Variants in ZFPM2 observed in about 807,000 individuals in gnomAD.
ZFPM2 encodes zinc finger protein ZFPM2.
Under a neutral mutation model 98.6 loss-of-function variants are expected in ZFPM2, and 20 were observed. The ratio of observed to expected loss-of-function variants is 0.20; its 90% CI spans 0.14 to 0.29. ZFPM2 has a LOEUF of 0.29. ZFPM2 is among the 10% of genes least tolerant of loss of function. The pLI is 1.00. For synonymous variants in ZFPM2, 518 were observed against 502.7 expected (o/e 1.03, Z -0.41); for missense variants, 1,310 against 1,388.6 (o/e 0.94, Z 0.90).
chr8:105,768,822 TAC>T (rs113463842), intron 5 of ZFPM2, among the ~76,000 whole-genome samples: 7 of 150,120 alleles, frequency 4.7e-5, no homozygotes, highest in South Asian at 2.1e-4. Flanking sequence ...AACAAATACA[TAC>T]ACACACACAC....
intron 2 of ZFPM2, among the ~76,000 whole-genome samples, chr8:105,434,879 T>C (rs80250987): frequency 0.042 from 6,443 of 152,246 alleles, 455 homozygotes; most frequent in African/African-American, 0.15. Flanking sequence ...CTGCTGCTAT[T>C]CTGTGCTGAA....
chr8:105,554,550 C>T (rs773278611), intron 3 of ZFPM2, among the ~76,000 whole-genome samples: 26 of 152,266 alleles, frequency 1.7e-4, no homozygotes, highest in Non-Finnish European at 2.5e-4. Flanking sequence ...TGGGTTCTGA[C>T]GCTATAGCCT....
chr8:105,545,840 T>A (rs192337278), intron 3 of ZFPM2, among the ~76,000 whole-genome samples: 18 of 152,292 alleles, frequency 1.2e-4, no homozygotes, highest in Non-Finnish European at 2.5e-4. Context: ...GTTGTGCAAG[T>A]ATTTTTTTTT....
intron 5 of ZFPM2, among the ~76,000 whole-genome samples, chr8:105,701,636 G>T (rs1811144116): frequency 6.6e-6 from 1 of 152,176 alleles, no homozygotes; most frequent in South Asian, 2.1e-4. Context: ...CAGCAGGAAA[G>T]TAGTGGTAGA....
intron 3 of ZFPM2, among the ~76,000 whole-genome samples, chr8:105,494,281 A>G (rs990978335): frequency 5.6e-5 from 8 of 143,506 alleles, no homozygotes; most frequent in African/African-American, 1.5e-4. Context: ...TTCCAAATCA[A>G]CTACTCTTTT....
intron 5 of ZFPM2, among the ~76,000 whole-genome samples, chr8:105,655,773 C>T (rs1296610161): frequency 2.6e-5 from 4 of 152,154 alleles, no homozygotes; most frequent in African/African-American, 9.7e-5. Context: ...AAGCACTGTT[C>T]TGGACACTGA....
At chr8:105,712,079 G>A (rs941008829) in intron 5 of ZFPM2, among the ~76,000 whole-genome samples, 2 of 151,994 alleles carry the variant, frequency 1.3e-5, no homozygotes, top group African/African-American at 4.8e-5. Context: ...AGTTAGTACA[G>A]AGGCTGTTAG....
intron 3 of ZFPM2, among the ~76,000 whole-genome samples, chr8:105,457,719 T>C (rs1265219025): frequency 3.3e-5 from 5 of 152,216 alleles, no homozygotes; most frequent in Non-Finnish European, 7.3e-5. Flanking sequence ...TTTGCAAGTC[T>C]AATTCCATAG....
intron 5 of ZFPM2, among the ~76,000 whole-genome samples, chr8:105,658,543 T>C (rs1237750703): frequency 5.7e-5 from 2 of 35,124 alleles, no homozygotes; most frequent in Non-Finnish European, 1.0e-4. Context: ...GAGCCGAGAT[T>C]GCGCCACTGC....
At chr8:105,366,566 T>G (rs1810516462) in intron 1 of ZFPM2, among the ~76,000 whole-genome samples, 3 of 151,968 alleles carry the variant, frequency 2.0e-5, no homozygotes, top group South Asian at 2.1e-4. Flanking sequence ...ATGTGCACAT[T>G]GTGCAGGTTA....
At chr8:105,475,823 C>T (rs1156508384) in intron 3 of ZFPM2, among the ~76,000 whole-genome samples, 1 of 152,082 alleles carries the variant, frequency 6.6e-6, no homozygotes, top group Non-Finnish European at 1.5e-5. Context: ...CTAATTTTCA[C>T]CTCTGATTTT....
At chr8:105,349,941 A>G (rs1245091892) in intron 1 of ZFPM2, among the ~76,000 whole-genome samples, 1 of 152,158 alleles carries the variant, frequency 6.6e-6, no homozygotes, top group Non-Finnish European at 1.5e-5. Flanking sequence ...TTATTTAAAC[A>G]TTATACTATA....
At chr8:105,426,675 C>T (rs779197917) in intron 2 of ZFPM2, among the ~76,000 whole-genome samples, 7 of 152,020 alleles carry the variant, frequency 4.6e-5, no homozygotes, top group East Asian at 3.9e-4. Flanking sequence ...TAGGCCGGGG[C>T]GGTGGCTCAC....
At chr8:105,558,056 C>A (rs751410137) in intron 3 of ZFPM2, among the ~76,000 whole-genome samples, 1 of 107,378 alleles carries the variant, frequency 9.3e-6, no homozygotes, top group Non-Finnish European at 1.8e-5. Flanking sequence ...GGTTATTGAA[C>A]AGAATTGGTG....
intron 3 of ZFPM2, among the ~76,000 whole-genome samples, chr8:105,487,827 T>C (rs1238950937): frequency 6.6e-6 from 1 of 152,200 alleles, no homozygotes; most frequent in Admixed American, 6.5e-5. Context: ...TATTTGGCAC[T>C]GTGCTAAATG....
chr8:105,613,966 A>T (rs1439175272), intron 4 of ZFPM2, among the ~76,000 whole-genome samples: 2 of 152,178 alleles, frequency 1.3e-5, no homozygotes, highest in African/African-American at 4.8e-5. Flanking sequence ...CTGAAAGGAA[A>T]TGAATTTACA....
chr8:105,788,987 T>A, intron 6 of ZFPM2, 63 bp downstream of exon 6: 1 of 1,381,456 alleles, frequency 7.2e-7, no homozygotes, highest in Non-Finnish European at 9.8e-7. Context: ...GAGAAAAAAA[T>A]GTCTACTGAC....
chr8:105,711,817 T>G (rs1355137890), intron 5 of ZFPM2, among the ~76,000 whole-genome samples: 1 of 152,050 alleles, frequency 6.6e-6, no homozygotes, highest in Non-Finnish European at 1.5e-5. Context: ...TAAGGCCTCA[T>G]CAGTCTTCCT....
At chr8:105,767,806 A>C (rs186084335) in intron 5 of ZFPM2, among the ~76,000 whole-genome samples, 1 of 152,004 alleles carries the variant, frequency 6.6e-6, no homozygotes, top group Admixed American at 6.6e-5. Flanking sequence ...TTCCGTTGCT[A>C]TTTTACTAAA....
Sources: allele counts gnomAD v4.1 joint callset (sites outside exome capture counted in the v4.1 genomes callset), GRCh38; gene constraint gnomAD v4.1.1; transcripts MANE v1.5; gene names NCBI Gene and HGNC (gene_info 2026-07-23, HGNC 2026-07-21).